The following UNC13C variants were observed in gnomAD, a reference collection of about 807,000 sequenced individuals.
The protein encoded by UNC13C is protein unc-13 homolog C.
In UNC13C, 174 loss-of-function variants were observed where a neutral mutation model predicts 245.4. That is an observed-to-expected ratio of 0.71 (90% CI 0.63 to 0.80). The LOEUF (loss-of-function observed/expected upper bound fraction) is 0.80. Among genes scored for constraint, UNC13C ranks in the 30% least tolerant of loss-of-function variants. The pLI, the probability that UNC13C is intolerant of heterozygous loss-of-function variation, is 0.00. For synonymous variants in UNC13C, 992 were observed against 895.1 expected (o/e 1.11, Z -1.93); for missense variants, 2,829 against 2,602.9 (o/e 1.09, Z -1.89).
the UNC13C span, among the ~76,000 whole-genome samples, chr15:53,885,289 C>T: frequency 6.6e-6 from 1 of 152,154 alleles, no homozygotes; most frequent in South Asian, 2.1e-4. Flanking sequence ...TTCTTCTTCC[C>T]TAAGGTGGGG....
chr15:53,918,827 G>A, the UNC13C span, among the ~76,000 whole-genome samples: 5 of 152,228 alleles, frequency 3.3e-5, no homozygotes, highest in African/African-American at 9.6e-5. Flanking sequence ...GGTACTATAA[G>A]TCATGGGCTT....
intron 13 of UNC13C, among the ~76,000 whole-genome samples, chr15:54,303,187 G>A (rs905048285): frequency 1.3e-5 from 2 of 152,108 alleles, no homozygotes; most frequent in East Asian, 3.9e-4. Flanking sequence ...GAGGGAACTT[G>A]TTTTATAATT....
the UNC13C span, among the ~76,000 whole-genome samples, chr15:53,919,814 A>G: frequency 1.3e-5 from 2 of 152,214 alleles, no homozygotes; most frequent in African/African-American, 2.4e-5. Context: ...GTAGGTATCT[A>G]AAGTTTTGGT....
intron 10 of UNC13C, among the ~76,000 whole-genome samples, chr15:54,269,751 T>C (rs2036637823): frequency 6.6e-6 from 1 of 152,142 alleles, no homozygotes; most frequent in African/African-American, 2.4e-5. Flanking sequence ...GAATTATCTG[T>C]ATTATTATTG....
intron 19 of UNC13C, among the ~76,000 whole-genome samples, chr15:54,440,505 G>C (rs923343860): frequency 6.6e-6 from 1 of 151,912 alleles, no homozygotes; most frequent in African/African-American, 2.4e-5. Flanking sequence ...TTTTATGGCT[G>C]AGTAGTATTC....
chr15:54,413,837 GA>G (rs2040464234), intron 18 of UNC13C, among the ~76,000 whole-genome samples: 1 of 152,096 alleles, frequency 6.6e-6, no homozygotes, highest in African/African-American at 2.4e-5. Context: ...CCCAAATGTG[GA>G]TGAATGTGAG....
intron 2 of UNC13C, among the ~76,000 whole-genome samples, chr15:54,133,400 C>T (rs992539880): frequency 1.3e-5 from 2 of 152,078 alleles, no homozygotes; most frequent in Admixed American, 1.3e-4. Context: ...TAGAATAGTG[C>T]TGTTCGCCGA....
the UNC13C span, among the ~76,000 whole-genome samples, chr15:53,902,488 C>T: frequency 6.6e-6 from 1 of 152,256 alleles, no homozygotes; most frequent in East Asian, 1.9e-4. Context: ...TAGTTTAAAG[C>T]AGCAGAAAAC....
intron 19 of UNC13C, among the ~76,000 whole-genome samples, chr15:54,427,242 A>T (rs886247535): frequency 3.3e-5 from 5 of 151,766 alleles, no homozygotes; most frequent in Admixed American, 1.3e-4. Flanking sequence ...GGGGGAGATA[A>T]TTGAATCATG....
intron 2 of UNC13C, among the ~76,000 whole-genome samples, chr15:54,118,952 G>A (rs2030472244): frequency 6.7e-6 from 1 of 148,808 alleles, no homozygotes; most frequent in African/African-American, 2.5e-5. Flanking sequence ...TGATTGACAT[G>A]AGTATCTTGA....
intron 4 of UNC13C, among the ~76,000 whole-genome samples, chr15:54,222,639 T>C (rs779696364): frequency 4.4e-4 from 67 of 152,080 alleles, no homozygotes; most frequent in Non-Finnish European, 8.2e-4. Flanking sequence ...ATATGGTAGT[T>C]CTATTTTCAG....
chr15:54,612,168 T>C (rs1900137627), intron 30 of UNC13C, among the ~76,000 whole-genome samples: 1 of 152,096 alleles, frequency 6.6e-6, no homozygotes. Context: ...GGAATCATTG[T>C]TTTAATTTCT....
At chr15:54,415,609 A>C (rs2040502396) in intron 19 of UNC13C, among the ~76,000 whole-genome samples, 1 of 152,198 alleles carries the variant, frequency 6.6e-6, no homozygotes, top group African/African-American at 2.4e-5. Flanking sequence ...TTACAGTTAG[A>C]GATAGAACCA....
chr15:54,035,487 G>T (rs2141024196), intron 2 of UNC13C, among the ~76,000 whole-genome samples: 1 of 152,254 alleles, frequency 6.6e-6, no homozygotes, highest in Admixed American at 6.5e-5. Context: ...AAACTTCATA[G>T]GAACTCATTT....
At chr15:53,849,570 C>G in the UNC13C span, among the ~76,000 whole-genome samples, 1 of 152,002 alleles carries the variant, frequency 6.6e-6, no homozygotes, top group Non-Finnish European at 1.5e-5. Context: ...TACTGTTTTT[C>G]CTTTGAGCAC....
the UNC13C span, among the ~76,000 whole-genome samples, chr15:53,952,911 T>A: frequency 6.6e-6 from 1 of 152,208 alleles, no homozygotes; most frequent in African/African-American, 2.4e-5. Flanking sequence ...GTGTCTAATT[T>A]TTTTTTCCCC....
chr15:54,194,917 T>C (rs904341327), intron 4 of UNC13C, among the ~76,000 whole-genome samples: 1 of 152,148 alleles, frequency 6.6e-6, no homozygotes, highest in African/African-American at 2.4e-5. Context: ...TCAGTGAAAC[T>C]CAAACAGGAA....
chr15:54,398,662 A>G (rs1212299116), intron 18 of UNC13C, among the ~76,000 whole-genome samples: 2 of 151,310 alleles, frequency 1.3e-5, no homozygotes, highest in Non-Finnish European at 3.0e-5. Context: ...TATTTGTTCA[A>G]ATAGGTAACC....
downstream of UNC13C, chr15:54,630,577 T>A (rs1901438295): frequency 6.6e-6 from 1 of 152,162 alleles, no homozygotes; most frequent in African/African-American, 2.4e-5. Flanking sequence ...TTCCACCTAC[T>A]TAGAAAAATT....
Sources: gnomAD v4.1 joint callset for allele counts (sites outside exome capture counted in the v4.1 genomes callset) on GRCh38, gnomAD v4.1.1 for gene constraint, MANE v1.5 for transcripts, NCBI Gene and HGNC (gene_info 2026-07-23, HGNC 2026-07-21) for gene names.